Variants in TMEM229B observed in about 807,000 individuals in gnomAD.
TMEM229B encodes transmembrane protein 229B, also known as chromosome 14 open reading frame 83.
TMEM229B carries 6 observed loss-of-function variants against 13.7 expected under a neutral mutation model. That is an observed-to-expected ratio of 0.44 (90% CI 0.24 to 0.86). TMEM229B has a LOEUF of 0.86. TMEM229B is among the 40% of genes least tolerant of loss of function. The probability of loss-of-function intolerance (pLI) is 0.23; values close to 1 mark genes in which losing one functional copy is unlikely to be tolerated. For synonymous variants in TMEM229B, 107 were observed against 102.1 expected (o/e 1.05, Z -0.29); for missense variants, 170 against 236.0 (o/e 0.72, Z 1.83).
At chr14:67,505,536 GAACT>G (rs2032793577) in intron 1 of TMEM229B, among the ~76,000 whole-genome samples, 1 of 152,110 alleles carries the variant, frequency 6.6e-6, no homozygotes, top group Non-Finnish European at 1.5e-5. Context: ...TTGTTTCCTT[GAACT>G]AATGTGGGCC....
chr14:67,480,280 C>T (rs962454038), intron 2 of TMEM229B, among the ~76,000 whole-genome samples: 1 of 152,088 alleles, frequency 6.6e-6, no homozygotes, highest in Non-Finnish European at 1.5e-5. Context: ...AGGTCTTCAT[C>T]ACAACCCTGA....
chr14:67,500,343 G>A (rs538368916), intron 1 of TMEM229B, among the ~76,000 whole-genome samples: 118 of 151,786 alleles, frequency 7.8e-4, no homozygotes, highest in Non-Finnish European at 1.4e-3. Context: ...GCATGGTGGC[G>A]GGCGCCTGTA....
upstream of TMEM229B, among the ~76,000 whole-genome samples, chr14:67,490,005 AT>A (rs1410449030): frequency 1.5e-5 from 2 of 131,426 alleles, no homozygotes; most frequent in African/African-American, 2.9e-5. Flanking sequence ...AAAAAAAAAA[AT>A]TCTGTCTATG....
intron 1 of TMEM229B, among the ~76,000 whole-genome samples, chr14:67,506,293 A>G (rs1345514922): frequency 1.3e-5 from 2 of 152,192 alleles, no homozygotes; most frequent in Non-Finnish European, 2.9e-5. Flanking sequence ...ACCGTCTCCT[A>G]TGAATAACCA....
At chr14:67,526,513 C>T (rs1428057646) in intron 1 of TMEM229B, among the ~76,000 whole-genome samples, 5 of 152,222 alleles carry the variant, frequency 3.3e-5, no homozygotes, top group South Asian at 4.1e-4. Context: ...CCATCTTTTC[C>T]TAGTCTTTTA....
intron 1 of TMEM229B, among the ~76,000 whole-genome samples, chr14:67,504,141 G>A (rs2032727649): frequency 6.6e-6 from 1 of 152,084 alleles, no homozygotes; most frequent in African/African-American, 2.4e-5. Flanking sequence ...AACCTCCTGA[G>A]TAGCTGGGAT....
At chr14:67,480,653 G>A (rs192835643) in intron 2 of TMEM229B, among the ~76,000 whole-genome samples, 5 of 152,254 alleles carry the variant, frequency 3.3e-5, no homozygotes, top group Admixed American at 3.3e-4. Context: ...CAGGCCCCAT[G>A]ACCTGCACGT....
At chr14:67,499,932 G>A (rs1487877226) in intron 1 of TMEM229B, among the ~76,000 whole-genome samples, 1 of 152,182 alleles carries the variant, frequency 6.6e-6, no homozygotes, top group Non-Finnish European at 1.5e-5. Flanking sequence ...GGATTAAGGA[G>A]GGGAGTGGTC....
chr14:67,510,007 C>T (rs1474866601), intron 1 of TMEM229B, among the ~76,000 whole-genome samples: 1 of 134,156 alleles, frequency 7.5e-6, no homozygotes, highest in Non-Finnish European at 1.7e-5. Context: ...GAGAACCCGT[C>T]TCTAAAAAAA....
chr14:67,504,228 G>C (rs1168915223), intron 1 of TMEM229B, among the ~76,000 whole-genome samples: 2 of 151,330 alleles, frequency 1.3e-5, no homozygotes, highest in Non-Finnish European at 2.9e-5. Flanking sequence ...TGGCCAGGTT[G>C]GTCTCGGACT....
At chr14:67,518,403 T>C (rs1182357847), upstream of TMEM229B, among the ~76,000 whole-genome samples, 5 of 152,168 alleles carry the variant, frequency 3.3e-5, no homozygotes, top group African/African-American at 1.2e-4. Flanking sequence ...TAAGAGTAAG[T>C]AGGAGAATGC....
At chr14:67,516,703 T>C (rs1226408738), upstream of TMEM229B, among the ~76,000 whole-genome samples, 3 of 152,184 alleles carry the variant, frequency 2.0e-5, no homozygotes, top group Non-Finnish European at 1.5e-5. Flanking sequence ...TCAACAAAGG[T>C]GCCTCTCAAA....
rs369547917 is a variant in TMEM229B, at chr14:67,483,855, C to T, written c.-19+3145G>A. ...AGCCAGCATGTCAGGAGGAGCGGTC[C>T]GAACACAGAGGATTTCAGGGGGCCT... On this transcript the variant is annotated intron_variant, in intron 2 of 2. Transcript: ENST00000554480. Among the ~76,000 whole-genome samples, 33 of 152,284 alleles carry T rather than the reference C, an allele frequency of 2.2e-4. No homozygotes were observed. The East Asian group carries it at 4.8e-3, about 22-fold the overall frequency.
intron 1 of TMEM229B, among the ~76,000 whole-genome samples, chr14:67,531,951 T>A (rs1402091963): frequency 6.6e-6 from 1 of 150,786 alleles, no homozygotes; most frequent in Non-Finnish European, 1.5e-5. Flanking sequence ...TGAATTAATG[T>A]CTTCTTAGCA....
At chr14:67,516,199 G>A (rs575136183), upstream of TMEM229B, among the ~76,000 whole-genome samples, 4 of 152,150 alleles carry the variant, frequency 2.6e-5, no homozygotes, top group Admixed American at 2.0e-4. Flanking sequence ...GCCCCCATTC[G>A]CACGCCAAGC....
intron 1 of TMEM229B, among the ~76,000 whole-genome samples, chr14:67,512,505 C>T (rs1447090412): frequency 1.3e-5 from 2 of 152,170 alleles, no homozygotes; most frequent in Non-Finnish European, 2.9e-5. Context: ...ACACCCAGAC[C>T]ACCTTGTCTG....
At chr14:67,507,364 C>T (rs1045380892) in intron 1 of TMEM229B, among the ~76,000 whole-genome samples, 2 of 151,866 alleles carry the variant, frequency 1.3e-5, no homozygotes, top group African/African-American at 4.8e-5. Context: ...TAAACAAAAA[C>T]AAAAACAAAA....
intron 1 of TMEM229B, among the ~76,000 whole-genome samples, chr14:67,522,526 GCC>G (rs1484972760): frequency 6.6e-6 from 1 of 152,202 alleles, no homozygotes. Context: ...GACACTGTGT[GCC>G]TGTCCCAACT....
upstream of TMEM229B, chr14:67,515,454 G>C (rs185736431): frequency 1.7e-5 from 3 of 171,794 alleles, no homozygotes; most frequent in Non-Finnish European, 3.6e-5. Flanking sequence ...CCCATAGTAC[G>C]GATGCGCTGC....
Sources: allele counts gnomAD v4.1 joint callset (sites outside exome capture counted in the v4.1 genomes callset), GRCh38; gene constraint gnomAD v4.1.1; transcripts MANE v1.5; gene names NCBI Gene and HGNC (gene_info 2026-07-23, HGNC 2026-07-21).